PLPP3: variants seen among roughly 807,000 people sequenced by gnomAD.
PLPP3 encodes phospholipid phosphatase 3.
In PLPP3, 6 loss-of-function variants were observed where a neutral mutation model predicts 29.6. The ratio of observed to expected loss-of-function variants is 0.20; its 90% CI spans 0.11 to 0.40. PLPP3 has a LOEUF of 0.40. PLPP3 is among the 10% of genes least tolerant of loss of function. PLPP3 has a pLI of 1.00. For missense variants in PLPP3, 308 were observed against 407.7 expected (o/e 0.76, Z 2.11); for synonymous variants, 152 against 159.7 (o/e 0.95, Z 0.36).
intron 5 of PLPP3, among the ~76,000 whole-genome samples, chr1:56,509,803 C>T (rs1645727533): frequency 7.6e-6 from 1 of 131,128 alleles, no homozygotes; most frequent in Admixed American, 9.1e-5. Context: ...TGCCATTGCA[C>T]TCTAGCCTGG....
chr1:56,496,629 C>G lies in PLPP3; in HGVS notation c.858G>C (p.Leu286=), dbSNP rs936269531. Reference sequence around the variant, plus strand: ...TTTCCTTCCGGATAGCAGGGGCAGGCAGGGAGAGCGTCGTCTTAGTCTTGA... The same window carrying G: ...TTTCCTTCCGGATAGCAGGGGCAGGGAGGGAGAGCGTCGTCTTAGTCTTGA... ...DLFKTKTTLS[L]PAPAIRKEIL... Residue 286 remains leucine (L), a synonymous_variant, in exon 6 of 6, where the codon CTG becomes CTC. Coordinates refer to ENST00000371250, the MANE Select transcript of PLPP3 (RefSeq NM_003713.5). The G allele has an allele frequency of 5.0e-6, 8 of 1,613,724 alleles. No homozygotes were observed. Among genetic ancestry groups the G allele is most frequent in the East Asian group, 2.2e-5 (1 of 44,882 alleles).
rs1267304234 is a variant in PLPP3 at position 56,551,313 on chromosome 1, T to TTGGTTTG, written c.140-14202_140-14201insCAAACCA. Reference sequence around the variant, plus strand: ...TTGGTTCGGTTCGGTTCGGTTCGGTTCGGTTCGGTTTGGTGGTGTGCAATT... The same window carrying TTGGTTTG: ...TTGGTTCGGTTCGGTTCGGTTCGGTTTGGTTTGCGGTTCGGTTTGGTGGTGTGCAATT... On this transcript the variant is annotated intron_variant, in intron 1 of 5. Transcript: ENST00000371250. Among the ~76,000 whole-genome samples, 561 of 146,952 alleles carry TTGGTTTG rather than the reference T, an allele frequency of 3.8e-3. 24 individuals are homozygous for TTGGTTTG. Among genetic ancestry groups the TTGGTTTG allele is most frequent in the Middle Eastern group, 7.0e-3 (2 of 286 alleles).
intron 1 of PLPP3, among the ~76,000 whole-genome samples, chr1:56,554,345 G>A (rs780110036): frequency 4.0e-4 from 61 of 152,032 alleles, no homozygotes; most frequent in Non-Finnish European, 8.2e-4. Flanking sequence ...GGCCGAGGCG[G>A]GTGGATTATG....
At position 56,524,235 on chromosome 1, in the gene PLPP3, G is replaced by GA. The variant is rs1645838002; in HGVS notation, c.575+41dup. Reference sequence around the variant, plus strand: ...AAGTGCTCACTGAACTGCACTGTATGAAAGGGGTCCAGGCTCTGGCCATGC... The same window carrying GA: ...AAGTGCTCACTGAACTGCACTGTATGAAAAGGGGTCCAGGCTCTGGCCATGC... On this transcript the variant is annotated intron_variant, in intron 3 of 5. Transcript: ENST00000371250. This position sits in a 1 kb window ranked among gnomAD's most constrained non-coding sequence, Gnocchi z 4.3. The GA allele has an allele frequency of 6.2e-7, 1 of 1,608,508 alleles. No homozygotes were observed. The highest frequency in any genetic ancestry group is 1.7e-5 in the Admixed American group (1 of 59,824).
At chr1:56,507,458 A>G (rs1056148311) in intron 5 of PLPP3, among the ~76,000 whole-genome samples, 6 of 152,214 alleles carry the variant, frequency 3.9e-5, no homozygotes, top group African/African-American at 1.2e-4. Context: ...ATAAATAATC[A>G]GAAGGTTAAG....
intron 5 of PLPP3, among the ~76,000 whole-genome samples, chr1:56,504,022 T>C (rs1024810165): frequency 2.0e-5 from 3 of 152,128 alleles, no homozygotes; most frequent in Non-Finnish European, 4.4e-5. Context: ...TCCACCCACC[T>C]TGGCCTCCTA....
At chr1:56,545,933 A>T (rs1454506741) in intron 1 of PLPP3, among the ~76,000 whole-genome samples, 1 of 152,014 alleles carries the variant, frequency 6.6e-6, no homozygotes, top group Non-Finnish European at 1.5e-5. Flanking sequence ...GAACAAAATC[A>T]CCCTGGTGAG....
chr1:56,571,972 A>T (rs1646201183), intron 1 of PLPP3, among the ~76,000 whole-genome samples: 1 of 148,740 alleles, frequency 6.7e-6, no homozygotes, highest in African/African-American at 2.5e-5. Flanking sequence ...CTAGCTCAGT[A>T]CCTTCCTTCC....
chr1:56,499,095 C>T (rs927684815), intron 5 of PLPP3, among the ~76,000 whole-genome samples: 1 of 145,870 alleles, frequency 6.9e-6, no homozygotes. Context: ...ACCTTCCCCC[C>T]TTCAAGATCT....
intron 1 of PLPP3, among the ~76,000 whole-genome samples, chr1:56,568,453 G>C (rs1161336905): frequency 6.6e-6 from 1 of 152,118 alleles, no homozygotes; most frequent in Non-Finnish European, 1.5e-5. Context: ...CAGAACAAAA[G>C]AATATAACTC....
intron 1 of PLPP3, among the ~76,000 whole-genome samples, chr1:56,572,043 G>GTTTTTTTTTTT (rs375576842): frequency 1.1e-4 from 9 of 85,072 alleles, no homozygotes; most frequent in Admixed American, 1.8e-4. Flanking sequence ...ATCATTTCTG[G>GTTTTTTTTTTT]TTTTTTTTTT....
chr1:56,579,247 T>C lies in PLPP3; in HGVS notation c.-231A>G. 1 of 518,664 alleles carries C rather than the reference T, an allele frequency of 1.9e-6. No individual in the cohort carries two copies. The highest frequency in any genetic ancestry group is 3.3e-6 in the Non-Finnish European group (1 of 301,660). The allele number at this position is 518,664 out of a possible 1,614,324, so 32.1% of individuals were successfully genotyped here. A position where few individuals can be genotyped will look rare whatever the true frequency, so the allele number is the denominator to read the frequency against. ...TCTGCTTTCCTCTGTCAACCCTAAA[T>C]CGTTCTAAAGTCCAAGGGGAAGAGA... On this transcript the variant is annotated 5_prime_UTR_variant, in exon 1 of 6. Coordinates refer to ENST00000371250, the MANE Select transcript of PLPP3 (RefSeq NM_003713.5).
At chr1:56,556,942 G>C (rs1251732828) in intron 1 of PLPP3, among the ~76,000 whole-genome samples, 1 of 109,780 alleles carries the variant, frequency 9.1e-6, no homozygotes, top group Non-Finnish European at 1.8e-5. Flanking sequence ...GAGAGAGAGA[G>C]AGAGACAGAG....
intron 1 of PLPP3, among the ~76,000 whole-genome samples, chr1:56,552,341 A>G (rs916609350): frequency 6.6e-5 from 10 of 152,192 alleles, no homozygotes; most frequent in Non-Finnish European, 1.0e-4. Context: ...ATTTTTAATA[A>G]GACTTCCAAG....
intron 1 of PLPP3, among the ~76,000 whole-genome samples, chr1:56,571,997 G>C (rs1009830074): frequency 1.5e-4 from 22 of 150,904 alleles, no homozygotes; most frequent in Non-Finnish European, 2.2e-4. Context: ...CAAATACAGA[G>C]GGTCCCCTAG....
chr1:56,575,157 A>G (rs1295129120), intron 1 of PLPP3, among the ~76,000 whole-genome samples: 1 of 152,172 alleles, frequency 6.6e-6, no homozygotes, highest in Non-Finnish European at 1.5e-5. Flanking sequence ...TTTAATGGCA[A>G]TAATAGACAT....
chr1:56,568,283 T>C (rs1646174924), intron 1 of PLPP3, among the ~76,000 whole-genome samples: 1 of 152,108 alleles, frequency 6.6e-6, no homozygotes, highest in South Asian at 2.1e-4. Context: ...TAAAAACCAA[T>C]GAATCGTGTG....
chr1:56,512,532 A>G (rs1250358802), intron 4 of PLPP3: 1 of 163,058 alleles, frequency 6.1e-6, no homozygotes, highest in African/African-American at 2.4e-5. Flanking sequence ...AAATCACTTG[A>G]ACCCAGGAGG....
At chr1:56,516,004 T>G (rs1176493053) in intron 4 of PLPP3, among the ~76,000 whole-genome samples, 1 of 152,244 alleles carries the variant, frequency 6.6e-6, no homozygotes, top group East Asian at 1.9e-4. Flanking sequence ...GTTACCTTTC[T>G]GCCCTGGTGA....
Sources: gnomAD v4.1 joint callset for allele counts (sites outside exome capture counted in the v4.1 genomes callset) on GRCh38, gnomAD v4.1.1 for gene constraint, Gnocchi (gnomAD v3.1) non-coding constraint, MANE v1.5 for transcripts, NCBI Gene and HGNC (gene_info 2026-07-23, HGNC 2026-07-21) for gene names.